Variants in ULK4 observed in about 807,000 individuals in gnomAD.
ULK4 encodes unc-51 like kinase 4, also known as inactive serine/threonine-protein kinase ULK4.
Under a neutral mutation model 160.6 loss-of-function variants are expected in ULK4, and 133 were observed. The observed-to-expected ratio is 0.83, with a 90% CI of 0.72 to 0.96. ULK4 has a LOEUF of 0.96. Among genes scored for constraint, ULK4 ranks in the 40% least tolerant of loss-of-function variants. The pLI, the probability that ULK4 is intolerant of heterozygous loss-of-function variation, is 0.00. For missense variants in ULK4, 1,580 were observed against 1,499.5 expected, an observed-to-expected ratio of 1.05 and a Z score of -0.89; for synonymous variants, 534 against 539.8, an observed-to-expected ratio of 0.99 and a Z score of 0.15.
intron 33 of ULK4, among the ~76,000 whole-genome samples, chr3:41,458,448 G>A (rs2083605068): frequency 6.6e-6 from 1 of 152,160 alleles, no homozygotes; most frequent in South Asian, 2.1e-4. Flanking sequence ...ATATAAGACA[G>A]GAACTGAGCT....
intron 30 of ULK4, among the ~76,000 whole-genome samples, chr3:41,659,151 G>A (rs2035052802): frequency 6.6e-6 from 1 of 152,138 alleles, no homozygotes; most frequent in South Asian, 2.1e-4. Context: ...CTTGAACAAT[G>A]CTGATAGAAA....
intron 21 of ULK4, among the ~76,000 whole-genome samples, chr3:41,786,045 C>T (rs1039137134): frequency 6.6e-6 from 1 of 152,184 alleles, no homozygotes; most frequent in Non-Finnish European, 1.5e-5. Context: ...CCTGACTGTT[C>T]TCCAACCTAA....
chr3:41,301,893 T>C (rs1018243813), intron 35 of ULK4, among the ~76,000 whole-genome samples: 5 of 152,224 alleles, frequency 3.3e-5, no homozygotes, highest in Non-Finnish European at 5.9e-5. Context: ...TCTTGGCTTT[T>C]TGATTAATAA....
At chr3:41,338,902 G>A (rs1325766895) in intron 35 of ULK4, among the ~76,000 whole-genome samples, 1 of 151,884 alleles carries the variant, frequency 6.6e-6, no homozygotes, top group Non-Finnish European at 1.5e-5. Flanking sequence ...CAAGTAAAGA[G>A]AGTGAATCCT....
intron 34 of ULK4, among the ~76,000 whole-genome samples, chr3:41,409,197 A>G (rs1318991128): frequency 6.6e-6 from 1 of 152,220 alleles, no homozygotes; most frequent in Non-Finnish European, 1.5e-5. Context: ...CGGAGGTTGC[A>G]GAGAGTGGAG....
chr3:41,951,173 C>G (rs1344982908), intron 2 of ULK4, among the ~76,000 whole-genome samples: 1 of 115,310 alleles, frequency 8.7e-6, no homozygotes, highest in Non-Finnish European at 1.9e-5. Flanking sequence ...AAAAAAGACA[C>G]AAATAAGTGG....
rs1449517903 is a variant in ULK4, at chr3:41,703,873, C to CACACACACACAA, written c.2781+1183_2781+1184insTTGTGTGTGTGT. 3.3e-4 allele frequency among the ~76,000 whole-genome samples: 43 copies of CACACACACACAA among 130,596 alleles called. 1 individual carries two copies. The highest frequency in any genetic ancestry group is 1.4e-3 in the African/African-American group (40 of 27,840). 85.7% of individuals were successfully genotyped at this position (130,596 alleles called of 152,430 possible). Reference sequence around the variant, plus strand: ...ACACACACACACACACACACACACACACAAGTTAACTGTGTTTGAAGGGTG... The same window carrying CACACACACACAA: ...ACACACACACACACACACACACACACACACACACACAAACAAGTTAACTGTGTTTGAAGGGTG... On this transcript the variant is annotated intron_variant, in intron 27 of 36. Coordinates refer to ENST00000301831, the MANE Select transcript of ULK4 (RefSeq NM_017886.4).
At chr3:41,680,426 C>G (rs1316416152) in intron 29 of ULK4, among the ~76,000 whole-genome samples, 1 of 152,128 alleles carries the variant, frequency 6.6e-6, no homozygotes, top group African/African-American at 2.4e-5. Flanking sequence ...TCAAGACAGG[C>G]TCCCCCAGAG....
chr3:41,622,905 T>C (rs887031524), intron 30 of ULK4, among the ~76,000 whole-genome samples: 1 of 152,160 alleles, frequency 6.6e-6, no homozygotes, highest in Non-Finnish European at 1.5e-5. Context: ...ACTACTCAAC[T>C]CTGTCATCAT....
intron 30 of ULK4, among the ~76,000 whole-genome samples, chr3:41,632,380 C>T (rs2033785780): frequency 6.6e-6 from 1 of 152,116 alleles, no homozygotes; most frequent in South Asian, 2.1e-4. Flanking sequence ...TTTTTTTGGT[C>T]CGGATAACTT....
intron 18 of ULK4, among the ~76,000 whole-genome samples, chr3:41,825,522 C>T (rs1167354328): frequency 6.6e-6 from 1 of 152,200 alleles, no homozygotes; most frequent in Non-Finnish European, 1.5e-5. Flanking sequence ...AAGGCGCAAG[C>T]CTCGGTAGCC....
chr3:41,834,767 T>G (rs2041703447), intron 18 of ULK4, among the ~76,000 whole-genome samples: 1 of 152,150 alleles, frequency 6.6e-6, no homozygotes, highest in African/African-American at 2.4e-5. Context: ...ATTACAGTCA[T>G]GTACAGTGGC....
intron 32 of ULK4, among the ~76,000 whole-genome samples, chr3:41,555,785 T>C (rs2087270963): frequency 6.6e-6 from 1 of 152,180 alleles, no homozygotes; most frequent in Non-Finnish European, 1.5e-5. Flanking sequence ...CCATCAATGA[T>C]AGCCTGGATA....
chr3:41,435,406 A>G (rs941757545), intron 34 of ULK4, among the ~76,000 whole-genome samples: 1 of 152,238 alleles, frequency 6.6e-6, no homozygotes, highest in Non-Finnish European at 1.5e-5. Flanking sequence ...TAGAAGATAC[A>G]TAAGTTAATG....
intron 32 of ULK4, among the ~76,000 whole-genome samples, chr3:41,514,153 G>C (rs1174308105): frequency 6.6e-6 from 1 of 152,090 alleles, no homozygotes; most frequent in Non-Finnish European, 1.5e-5. Context: ...CATTTTGGAG[G>C]AAGAGGTAGA....
At chr3:41,911,458 G>A in intron 10 of ULK4, 72 bp from the exon 11 acceptor site, 1 of 1,585,652 alleles carries the variant, frequency 6.3e-7, no homozygotes, top group South Asian at 1.1e-5. Flanking sequence ...CGTACACAAA[G>A]ATTTAAAGGG....
At chr3:41,351,992 G>A (rs537913063) in intron 35 of ULK4, among the ~76,000 whole-genome samples, 1 of 152,336 alleles carries the variant, frequency 6.6e-6, no homozygotes, top group South Asian at 2.1e-4. Flanking sequence ...TACATAAACA[G>A]ACACAGTCTA....
At chr3:41,473,147 A>T (rs557269031) in intron 32 of ULK4, among the ~76,000 whole-genome samples, 1 of 152,338 alleles carries the variant, frequency 6.6e-6, no homozygotes, top group South Asian at 2.1e-4. Context: ...TTCAATGATG[A>T]AAAAATAAAA....
intron 35 of ULK4, among the ~76,000 whole-genome samples, chr3:41,299,602 T>A (rs910718477): frequency 4.6e-5 from 7 of 152,234 alleles, no homozygotes; most frequent in African/African-American, 1.7e-4. Flanking sequence ...GATTTGTTAA[T>A]GCTGCAATAT....
Sources: gnomAD v4.1 joint callset for allele counts (sites outside exome capture counted in the v4.1 genomes callset) on GRCh38, gnomAD v4.1.1 for gene constraint, MANE v1.5 for transcripts, NCBI Gene and HGNC (gene_info 2026-07-23, HGNC 2026-07-21) for gene names.